Variants in TRIM69 observed in about 807,000 individuals in gnomAD.
TRIM69 encodes tripartite motif containing 69, also known as E3 ubiquitin-protein ligase TRIM69.
In TRIM69, 29 loss-of-function variants were observed where a neutral mutation model predicts 37.7. The ratio of observed to expected loss-of-function variants is 0.77; its 90% CI spans 0.57 to 1.05. The LOEUF is 1.05. TRIM69 is among the 50% of genes least tolerant of loss of function. The pLI is 0.00. For synonymous variants in TRIM69, 209 were observed against 212.4 expected, an observed-to-expected ratio of 0.98 and a Z score of 0.14; for missense variants, 596 against 579.9, an observed-to-expected ratio of 1.03 and a Z score of -0.28.
rs893543981 is a variant in TRIM69, at chr15:44,759,838, G to A, written c.927G>A (p.Met309Ile). Reference sequence around the variant, plus strand: ...AGTACAAAGGTCCTATCCAGTACATGGTATGGAGGGAAATGCAGGACACTC... The same window carrying A: ...AGTACAAAGGTCCTATCCAGTACATAGTATGGAGGGAAATGCAGGACACTC... ...LGQYKGPIQY[M>I]VWREMQDTLC... is the part of the protein sequence containing the mutation. Residue 309 changes from methionine to isoleucine, a missense_variant, in exon 6 of 7, where the codon ATG (methionine) becomes ATA (isoleucine). By Grantham distance (10) the Met-to-Ile change is conservative (BLOSUM62 1). Transcript: ENST00000329464. 6.2e-7 allele frequency: 1 copy of A among 1,613,922 alleles called. No individual in the cohort carries two copies. The highest frequency in any genetic ancestry group is 1.3e-5 in the African/African-American group (1 of 74,914).
At chr15:44,741,132 C>A (rs1297860860) in intron 1 of TRIM69, among the ~76,000 whole-genome samples, 10 of 150,938 alleles carry the variant, frequency 6.6e-5, no homozygotes, top group Admixed American at 6.6e-5. Flanking sequence ...GACCACAGTG[C>A]AATCAAACTA....
At chr15:44,751,553 C>A (rs900534374) in intron 1 of TRIM69, among the ~76,000 whole-genome samples, 1 of 152,116 alleles carries the variant, frequency 6.6e-6, no homozygotes, top group Non-Finnish European at 1.5e-5. Context: ...GCATGAGCCA[C>A]CATGCTCTGC....
chr15:44,745,670 T>C (rs2087391369), intron 1 of TRIM69, among the ~76,000 whole-genome samples: 1 of 152,102 alleles, frequency 6.6e-6, no homozygotes. Flanking sequence ...GAGACTGATG[T>C]CTCACCAAAT....
chr15:44,748,268 C>A (rs2087448735), intron 1 of TRIM69, among the ~76,000 whole-genome samples: 1 of 152,154 alleles, frequency 6.6e-6, no homozygotes, highest in African/African-American at 2.4e-5. Context: ...TGCACTTTGT[C>A]CTGGTCCCAT....
At chr15:44,740,008 T>C (rs2087247253) in intron 1 of TRIM69, among the ~76,000 whole-genome samples, 1 of 152,070 alleles carries the variant, frequency 6.6e-6, no homozygotes, top group Non-Finnish European at 1.5e-5. Flanking sequence ...ACACCTCACA[T>C]GGCCGGGTAC....
chr15:44,743,121 A>T (rs2087327952), intron 1 of TRIM69, among the ~76,000 whole-genome samples: 1 of 152,308 alleles, frequency 6.6e-6, no homozygotes, highest in Non-Finnish European at 1.5e-5. Context: ...ACAGAGATAG[A>T]GATCAATGGA....
chr15:44,741,408 T>A (rs1024204490), intron 1 of TRIM69, among the ~76,000 whole-genome samples: 2 of 151,736 alleles, frequency 1.3e-5, no homozygotes, highest in Non-Finnish European at 1.5e-5. Context: ...TTAAAAGAAC[T>A]AGAAAAGCAA....
intron 1 of TRIM69, among the ~76,000 whole-genome samples, chr15:44,747,556 T>C (rs932038781): frequency 4.6e-5 from 7 of 152,060 alleles, no homozygotes; most frequent in Non-Finnish European, 8.8e-5. Context: ...AAATAAAGAC[T>C]GGAGTGAGAA....
intron 6 of TRIM69, among the ~76,000 whole-genome samples, chr15:44,765,480 A>G (rs916500382): frequency 1.3e-5 from 2 of 152,234 alleles, no homozygotes; most frequent in Non-Finnish European, 2.9e-5. Context: ...CTCTTGTTGG[A>G]AAGAGAAGTC....
rs185412162 is a variant in TRIM69, at chr15:44,739,313, G to T, written c.6+2603G>T. Among the ~76,000 whole-genome samples the T allele has an allele frequency of 6.5e-4, 99 of 152,364 alleles. 1 individual carries two copies. Among genetic ancestry groups the T allele is most frequent in the African/African-American group, 2.2e-3 (93 of 41,578 alleles). On this transcript the variant is annotated intron_variant, in intron 1 of 6. Transcript: ENST00000329464. The stretch of plus-strand genomic sequence containing the variant: ...CCAGCGTGAGCGATGCAGAAGACGG[G>T]TGATTTCTGCATTTCCATCTGAGGT...
intron 1 of TRIM69, among the ~76,000 whole-genome samples, chr15:44,746,493 G>A (rs2087410492): frequency 6.6e-6 from 1 of 152,010 alleles, no homozygotes; most frequent in Non-Finnish European, 1.5e-5. Flanking sequence ...AAAGATAATA[G>A]CATAAACCAA....
intron 1 of TRIM69, among the ~76,000 whole-genome samples, chr15:44,746,112 G>A (rs1385567506): frequency 6.6e-6 from 1 of 152,058 alleles, no homozygotes; most frequent in African/African-American, 2.4e-5. Flanking sequence ...AATCTTAAAA[G>A]TAGCAAGAGT....
chr15:44,742,893 G>A (rs931009095), intron 1 of TRIM69, among the ~76,000 whole-genome samples: 4 of 151,168 alleles, frequency 2.6e-5, no homozygotes, highest in Non-Finnish European at 4.4e-5. Context: ...TACTGCCCAA[G>A]GTAATTTATA....
intron 1 of TRIM69, among the ~76,000 whole-genome samples, chr15:44,751,118 C>CT (rs1262702362): frequency 2.1e-3 from 304 of 144,946 alleles, no homozygotes; most frequent in Non-Finnish European, 3.7e-3. Flanking sequence ...CCACACCTAA[C>CT]TTTTTTTTTT....
intron 1 of TRIM69, among the ~76,000 whole-genome samples, chr15:44,746,167 T>G (rs1372608699): frequency 6.6e-6 from 1 of 152,188 alleles, no homozygotes; most frequent in African/African-American, 2.4e-5. Flanking sequence ...TAACAGCTAA[T>G]TTTTCATCAG....
At chr15:44,739,851 C>T (rs1318794879) in intron 1 of TRIM69, among the ~76,000 whole-genome samples, 1 of 151,612 alleles carries the variant, frequency 6.6e-6, no homozygotes, top group South Asian at 2.1e-4. Flanking sequence ...CTTAAATGTC[C>T]CTGTCTGACA....
chr15:44,761,030 G>T (rs1361270222), intron 6 of TRIM69, among the ~76,000 whole-genome samples: 2 of 151,470 alleles, frequency 1.3e-5, no homozygotes, highest in African/African-American at 4.9e-5. Context: ...CCATTCTCCT[G>T]CCTCAGCCTC....
intron 1 of TRIM69, chr15:44,754,580 A>G (rs2087602843): frequency 1.1e-5 from 3 of 281,294 alleles, no homozygotes; most frequent in Non-Finnish European, 2.0e-5. Flanking sequence ...GGTAATAACT[A>G]GTAGAGCAGA....
intron 1 of TRIM69, among the ~76,000 whole-genome samples, chr15:44,752,043 C>T (rs1224703840): frequency 2.0e-5 from 3 of 152,136 alleles, no homozygotes; most frequent in Non-Finnish European, 4.4e-5. Flanking sequence ...GTGTGAGCCA[C>T]TGTGCACAGC....
Sources: allele counts gnomAD v4.1 joint callset (sites outside exome capture counted in the v4.1 genomes callset), GRCh38; gene constraint gnomAD v4.1.1; transcripts MANE v1.5; gene names NCBI Gene and HGNC (gene_info 2026-07-23, HGNC 2026-07-21).